PARD3: variants seen among roughly 807,000 people sequenced by gnomAD.
PARD3 encodes the protein par-3 family cell polarity regulator, also known as partitioning defective 3 homolog.
A neutral mutation model predicts 155.4 loss-of-function variants in PARD3; 75 were observed. The observed-to-expected ratio is 0.48, with a 90% CI of 0.40 to 0.58. PARD3 has a LOEUF of 0.58. Among genes scored for constraint, PARD3 ranks in the 20% least tolerant of loss-of-function variants. The pLI is 0.00. For missense variants in PARD3, 1,642 were observed against 1,721.7 expected (o/e 0.95, Z 0.82); for synonymous variants, 576 against 610.5 (o/e 0.94, Z 0.83).
chr10:34,440,476 C>T (rs774302339), intron 5 of PARD3, among the ~76,000 whole-genome samples: 1 of 152,120 alleles, frequency 6.6e-6, no homozygotes, highest in Non-Finnish European at 1.5e-5. Context: ...TGCAAAGGCA[C>T]CTGAAGGTCA....
At chr10:34,390,040 C>T (rs1199087808) in intron 7 of PARD3, among the ~76,000 whole-genome samples, 2 of 152,122 alleles carry the variant, frequency 1.3e-5, no homozygotes, top group Non-Finnish European at 2.9e-5. Context: ...GAGTCTGCGG[C>T]TGAGAATGCA....
chr10:34,145,403 C>T (rs1948460802), intron 22 of PARD3, among the ~76,000 whole-genome samples: 1 of 150,922 alleles, frequency 6.6e-6, no homozygotes, highest in Non-Finnish European at 1.5e-5. Context: ...CCTTTATTAT[C>T]TCTGTTCTCT....
chr10:34,118,610 T>G (rs1046487091), intron 24 of PARD3, among the ~76,000 whole-genome samples: 10 of 152,108 alleles, frequency 6.6e-5, no homozygotes, highest in South Asian at 4.1e-4. Context: ...CCTCCCAAAG[T>G]GCTGGGATTA....
chr10:34,787,882 G>T (rs894469574), intron 1 of PARD3, among the ~76,000 whole-genome samples: 39 of 151,346 alleles, frequency 2.6e-4, no homozygotes, highest in African/African-American at 9.5e-4. Flanking sequence ...CTAGGCTCAA[G>T]CAATTCTCCC....
intron 22 of PARD3, among the ~76,000 whole-genome samples, chr10:34,208,409 C>T (rs943350880): frequency 2.0e-5 from 3 of 152,188 alleles, no homozygotes; most frequent in Non-Finnish European, 4.4e-5. Context: ...GAGAACAGCA[C>T]TATTAGTGAC....
In PARD3 at chr10:34,786,927, T is replaced by C. The variant is rs117373690; in HGVS notation, c.120+27949A>G. Among the ~76,000 whole-genome samples the C allele has an allele frequency of 1.5e-3, 227 of 152,194 alleles. 7 individuals carry two copies. In the East Asian group the frequency reaches 0.04, roughly 27 times the overall value. On this transcript the variant is annotated intron_variant, in intron 1 of 24. Coordinates refer to ENST00000374788, the MANE Select transcript of PARD3 (RefSeq NM_001184785.2). ...AACAAAAAAACTGGTAGATAGACAG[T>C]TGCAATGCTCTAAACACATGTTATC... is the stretch of plus-strand genomic sequence containing the variant.
At chr10:34,442,257 T>C (rs1386772983) in intron 5 of PARD3, among the ~76,000 whole-genome samples, 1 of 152,216 alleles carries the variant, frequency 6.6e-6, no homozygotes, top group Non-Finnish European at 1.5e-5. Context: ...TTAACTACTA[T>C]CTGGCAGCAT....
In PARD3 at chr10:34,295,555, G is replaced by C. The variant is rs548577313; in HGVS notation, c.3066-11310C>G. Among the ~76,000 whole-genome samples the C allele has an allele frequency of 3.3e-5, 5 of 152,240 alleles. No individual in the cohort carries two copies. In the East Asian group the frequency reaches 9.7e-4, roughly 29 times the overall value. On this transcript the variant is annotated intron_variant, in intron 20 of 24. Transcript: ENST00000374788. ...CCTGTTTATCCAAGACGGAATCCTG[G>C]AACTGAAGGCAATGCTTCATCATTG...
intron 22 of PARD3, among the ~76,000 whole-genome samples, chr10:34,170,502 G>A (rs1949736579): frequency 6.6e-6 from 1 of 152,178 alleles, no homozygotes; most frequent in Non-Finnish European, 1.5e-5. Flanking sequence ...GGGGAAGACT[G>A]GCATGTAAAC....
intron 1 of PARD3, among the ~76,000 whole-genome samples, chr10:34,769,628 C>T (rs1229766946): frequency 5.9e-5 from 9 of 151,756 alleles, no homozygotes; most frequent in Non-Finnish European, 1.2e-4. Context: ...CATAGTGGCA[C>T]GTTCCTGTAG....
At chr10:34,537,285 A>ACGT (rs1408886022) in intron 2 of PARD3, among the ~76,000 whole-genome samples, 1 of 152,246 alleles carries the variant, frequency 6.6e-6, no homozygotes, top group Non-Finnish European at 1.5e-5. Flanking sequence ...ATGAGCCACC[A>ACGT]CGTCTGGCCC....
chr10:34,788,081 A>G (rs1018300795), intron 1 of PARD3, among the ~76,000 whole-genome samples: 1 of 151,630 alleles, frequency 6.6e-6, no homozygotes, highest in Non-Finnish European at 1.5e-5. Context: ...ACGTCGCCCC[A>G]GCCCCAGCAT....
At chr10:34,619,213 G>A (rs1173054816) in intron 2 of PARD3, among the ~76,000 whole-genome samples, 1 of 151,920 alleles carries the variant, frequency 6.6e-6, no homozygotes, top group Non-Finnish European at 1.5e-5. Flanking sequence ...ACCACGCCTG[G>A]CTAAATTTTG....
chr10:34,514,990 A>T (rs2081622926), intron 3 of PARD3, among the ~76,000 whole-genome samples: 2 of 152,354 alleles, frequency 1.3e-5, no homozygotes, highest in African/African-American at 4.8e-5. Context: ...TATACACATT[A>T]CAGTGTTATT....
intron 3 of PARD3, among the ~76,000 whole-genome samples, chr10:34,489,196 G>T (rs938783209): frequency 6.6e-6 from 1 of 152,128 alleles, no homozygotes; most frequent in Non-Finnish European, 1.5e-5. Flanking sequence ...AAATTAGTTG[G>T]GCGTGGTGGT....
chr10:34,757,431 G>A (rs1836879470), intron 1 of PARD3, among the ~76,000 whole-genome samples: 1 of 152,096 alleles, frequency 6.6e-6, no homozygotes, highest in Admixed American at 6.6e-5. Context: ...CTGGCCGGGT[G>A]CGGTGGCTCA....
At chr10:34,118,613 T>TGGGATTACA (rs1946815658) in intron 24 of PARD3, among the ~76,000 whole-genome samples, 1 of 152,202 alleles carries the variant, frequency 6.6e-6, no homozygotes, top group South Asian at 2.1e-4. Context: ...CCCAAAGTGC[T>TGGGATTACA]GGGATTACAG....
chr10:34,388,753 C>T (rs940585803), intron 7 of PARD3, among the ~76,000 whole-genome samples: 11 of 152,122 alleles, frequency 7.2e-5, no homozygotes, highest in African/African-American at 2.4e-4. Flanking sequence ...ATTGGGTCAA[C>T]CATGTTCCAT....
chr10:34,628,314 C>G (rs1168409435), intron 2 of PARD3, among the ~76,000 whole-genome samples: 2 of 152,200 alleles, frequency 1.3e-5, no homozygotes, highest in African/African-American at 4.8e-5. Flanking sequence ...TGCCAGGGAC[C>G]AGTGACTCTG....
Sources: allele counts gnomAD v4.1 joint callset (sites outside exome capture counted in the v4.1 genomes callset), GRCh38; gene constraint gnomAD v4.1.1; transcripts MANE v1.5; gene names NCBI Gene and HGNC (gene_info 2026-07-23, HGNC 2026-07-21).